BCL2: variants seen among roughly 807,000 people sequenced by gnomAD.
The protein encoded by BCL2 is BCL2 apoptosis regulator.
Under a neutral mutation model 14.2 loss-of-function variants are expected in BCL2, and 1 was observed. The observed-to-expected ratio is 0.07, with a 90% CI of 0.02 to 0.33. The LOEUF (loss-of-function observed/expected upper bound fraction) is 0.33, where lower values mean the gene tolerates loss of function less well. Among genes scored for constraint, BCL2 ranks in the 10% least tolerant of loss-of-function variants. The pLI is 0.99. For missense variants in BCL2, 247 were observed against 305.9 expected (o/e 0.81, Z 1.44); for synonymous variants, 151 against 137.2 (o/e 1.10, Z -0.70).
chr18:63,239,503 A>G (rs1910933379), intron 2 of BCL2, among the ~76,000 whole-genome samples: 1 of 152,200 alleles, frequency 6.6e-6, no homozygotes, highest in Admixed American at 6.5e-5. Context: ...GCCCTTTGGG[A>G]GGCCAAGATG....
intron 2 of BCL2, among the ~76,000 whole-genome samples, chr18:63,255,831 C>A (rs1174914348): frequency 6.6e-6 from 1 of 151,782 alleles, no homozygotes; most frequent in Non-Finnish European, 1.5e-5. Flanking sequence ...CAGCCCTCCC[C>A]CCCCGCCACA....
chr18:63,213,513 T>C (rs541147652), intron 2 of BCL2, among the ~76,000 whole-genome samples: 26 of 143,096 alleles, frequency 1.8e-4, no homozygotes, highest in African/African-American at 6.0e-4. Context: ...TCAGATGAGT[T>C]GTACACATTA....
intron 2 of BCL2, among the ~76,000 whole-genome samples, chr18:63,199,887 T>C (rs183305845): frequency 6.6e-6 from 1 of 151,602 alleles, no homozygotes; most frequent in East Asian, 2.0e-4. Context: ...ATGGGGTAAA[T>C]ACGGTAGCAC....
chr18:63,174,929 A>G (rs1434038773), intron 2 of BCL2, among the ~76,000 whole-genome samples: 4 of 152,080 alleles, frequency 2.6e-5, no homozygotes, highest in Non-Finnish European at 4.4e-5. Context: ...AGAACTATAT[A>G]GCATACTCCT....
intron 2 of BCL2, among the ~76,000 whole-genome samples, chr18:63,158,027 G>C (rs532931374): frequency 6.6e-6 from 1 of 151,890 alleles, no homozygotes; most frequent in South Asian, 2.1e-4. Flanking sequence ...AAGAAACTCA[G>C]CTCAAGACAT....
At chr18:63,295,848 T>C (rs1425004458) in intron 2 of BCL2, among the ~76,000 whole-genome samples, 1 of 152,178 alleles carries the variant, frequency 6.6e-6, no homozygotes, top group Non-Finnish European at 1.5e-5. Flanking sequence ...CCTCAAGGAC[T>C]AAACCCAGTC....
At position 63,318,544 on chromosome 18, in the gene BCL2, C is replaced by T; in HGVS notation, c.123G>A (p.Gly41=). Residue 41 remains glycine (G), a synonymous_variant, in exon 2 of 3, where the codon GGG becomes GGA. Coordinates refer to ENST00000333681, the MANE Select transcript of BCL2 (RefSeq NM_000633.3). This position sits in a 1 kb window ranked among gnomAD's most constrained non-coding sequence, Gnocchi z 7.4. ...AGAAGATGCCCGGTGCGGGGGCGGC[C>T]CCCGGGGGCGCGGCGCCCACATCTC... is the stretch of plus-strand genomic sequence containing the variant. ...DAGDVGAAPP[G]AAPAPGIFSS... 2.5e-6 allele frequency: 4 copies of T among 1,587,800 alleles called. No individual in the cohort carries two copies. The highest frequency in any genetic ancestry group is 2.4e-5 in the East Asian group (1 of 41,818).
At chr18:63,229,595 T>TA (rs972474651) in intron 2 of BCL2, among the ~76,000 whole-genome samples, 2 of 152,194 alleles carry the variant, frequency 1.3e-5, no homozygotes, top group African/African-American at 4.8e-5. Flanking sequence ...TCCTCTCTCT[T>TA]ACTCCTTCTC....
intron 2 of BCL2, among the ~76,000 whole-genome samples, chr18:63,244,808 G>A (rs903424809): frequency 2.0e-5 from 3 of 152,184 alleles, no homozygotes; most frequent in African/African-American, 7.2e-5. Flanking sequence ...TTGGGCCTCT[G>A]TGGATTCCTT....
At chr18:63,226,692 T>C (rs1421828929) in intron 2 of BCL2, among the ~76,000 whole-genome samples, 1 of 152,084 alleles carries the variant, frequency 6.6e-6, no homozygotes, top group Non-Finnish European at 1.5e-5. Context: ...TATATATGAA[T>C]ATATATGTGC....
chr18:63,200,149 C>A (rs763919916), intron 2 of BCL2, among the ~76,000 whole-genome samples: 4 of 152,182 alleles, frequency 2.6e-5, no homozygotes, highest in Non-Finnish European at 5.9e-5. Flanking sequence ...TCTGCACAAA[C>A]CTCGCCTCCC....
chr18:63,163,923 T>A (rs1914981938), intron 2 of BCL2, among the ~76,000 whole-genome samples: 1 of 152,178 alleles, frequency 6.6e-6, no homozygotes, highest in South Asian at 2.1e-4. Flanking sequence ...ATATTCCTGT[T>A]AATAGGTGTG....
At chr18:63,227,610 A>G (rs556271985) in intron 2 of BCL2, among the ~76,000 whole-genome samples, 2 of 152,382 alleles carry the variant, frequency 1.3e-5, no homozygotes, top group Admixed American at 6.5e-5. Context: ...GAAAAAGTCA[A>G]GTAATTTAAT....
chr18:63,174,493 A>G (rs777843932), intron 2 of BCL2, among the ~76,000 whole-genome samples: 4 of 152,196 alleles, frequency 2.6e-5, no homozygotes, highest in Admixed American at 6.5e-5. Context: ...CTGAGACCCA[A>G]GTAAAAAATG....
chr18:63,302,510 A>G, intron 2 of BCL2: 1 of 985,402 alleles, frequency 1.0e-6, no homozygotes, highest in Non-Finnish European at 1.2e-6. Context: ...GCTCTACTCT[A>G]AAAAGTCATA....
intron 2 of BCL2, among the ~76,000 whole-genome samples, chr18:63,224,590 C>T (rs143558573): frequency 7.3e-4 from 111 of 152,290 alleles, no homozygotes; most frequent in Non-Finnish European, 1.3e-3. Flanking sequence ...AGAATGAAGA[C>T]AATTTCAGAC....
At position 63,319,316 on chromosome 18, in the gene BCL2, C is replaced by G. The variant is rs1473418; in HGVS notation, c.-429G>C. 0.99 allele frequency: 224,682 copies of G among 227,728 alleles called. 110,918 individuals are homozygous for G. The highest frequency in any genetic ancestry group is 1 in the East Asian group (15,898 of 15,898). The allele number at this position is 227,728 out of a possible 1,614,324, so 14.1% of individuals were successfully genotyped here. ...AAACTTCCCAATGAATCAGGAGTCGCGGGGAGAGGGAGTAAAAATTAGGAG... is the reference window on the plus strand; with the variant it reads ...AAACTTCCCAATGAATCAGGAGTCGGGGGGAGAGGGAGTAAAAATTAGGAG... On this transcript the variant is annotated 5_prime_UTR_variant, in exon 1 of 3. Coordinates refer to ENST00000333681, the MANE Select transcript of BCL2 (RefSeq NM_000633.3).
At chr18:63,137,593 C>A (rs1239709590) in intron 2 of BCL2, among the ~76,000 whole-genome samples, 1 of 152,128 alleles carries the variant, frequency 6.6e-6, no homozygotes, top group Admixed American at 6.5e-5. Context: ...CTAGTGTCCT[C>A]CTCCCAGGGA....
chr18:63,317,857 C>A lies in BCL2; in HGVS notation c.585+225G>T, dbSNP rs900294007. The A allele has an allele frequency of 7.1e-6, 10 of 1,406,144 alleles. No individual in the cohort carries two copies. The East Asian group carries it at 2.6e-4, about 37-fold the overall frequency. 87.1% of individuals were successfully genotyped at this position (1,406,144 alleles called of 1,614,324 possible). On this transcript the variant is annotated intron_variant, in intron 2 of 2. Transcript: ENST00000333681. ...CAAACGCTAGATCTTTGGATCTCCACGACTAGCAAGCAAGTTAAAGACTTT... is the reference window on the plus strand; with the variant it reads ...CAAACGCTAGATCTTTGGATCTCCAAGACTAGCAAGCAAGTTAAAGACTTT...
Sources: gnomAD v4.1 joint callset for allele counts (sites outside exome capture counted in the v4.1 genomes callset) on GRCh38, gnomAD v4.1.1 for gene constraint, Gnocchi (gnomAD v3.1) non-coding constraint, MANE v1.5 for transcripts, NCBI Gene and HGNC (gene_info 2026-07-23, HGNC 2026-07-21) for gene names.